Variants in FLNA observed in about 807,000 individuals in gnomAD.
The protein encoded by FLNA is filamin A, also known as filamin-A.
In FLNA, 7 loss-of-function variants were observed where a neutral mutation model predicts 157.6. That is an observed-to-expected ratio of 0.04 (90% CI 0.03 to 0.08). FLNA has a LOEUF of 0.08. FLNA is among the 10% of genes least tolerant of loss of function. The pLI is 1.00. For synonymous variants in FLNA, 1,103 were observed against 1,060.8 expected (o/e 1.04, Z -0.77); for missense variants, 1,750 against 2,398.4 (o/e 0.73, Z 5.65).
intron 26 of FLNA, 68 bp downstream of exon 26, chrX:154,358,916 T>A (rs2067682399): frequency 5.2e-6 from 6 of 1,150,032 alleles, no homozygotes; most frequent in Non-Finnish European, 7.1e-6. Flanking sequence ...GGCCTCCAGT[T>A]TCCTTTCCCG....
intron 2 of FLNA, among the ~76,000 whole-genome samples, chrX:154,370,652 G>A (rs2067798394): frequency 8.9e-6 from 1 of 112,925 alleles, no homozygotes; most frequent in Non-Finnish European, 1.9e-5. Flanking sequence ...GCCAGCCGGG[G>A]CGCAGCGGGC....
chrX:154,349,102 C>A, intron 47 of FLNA, 66 bp from the exon 48 acceptor site: 1 of 1,069,759 alleles, frequency 9.3e-7, no homozygotes. Flanking sequence ...TCCTGCTCTC[C>A]TCTCCTGTCC....
chrX:154,360,035 C>T lies in FLNA; in HGVS notation c.3760G>A (p.Asp1254Asn). 8.3e-7 allele frequency: 1 copy of T among 1,211,291 alleles called. No homozygotes were observed. Among genetic ancestry groups the T allele is most frequent in the Middle Eastern group, 2.3e-4 (1 of 4,352 alleles). ...CCATAGCACTGGACACCGGAAGTGT[C>T]CACCGCAGGTTCCACCTGCAGCTTG... Reference protein sequence around the residue: ...PSKLQVEPAVDTSGVQCYGPG... With the variant: ...PSKLQVEPAVNTSGVQCYGPG... The change falls in exon 22 of 48, where the codon GAC (aspartate) becomes AAC (asparagine). Residue 1254 changes from aspartate (D) to asparagine (N), a missense_variant. Asp to Asn is a conservative substitution (Grantham distance 23). Transcript: ENST00000369850.
rs782572656 is a variant in FLNA, at chrX:154,366,348, G to A, written c.1188C>T (p.Asn396=). The part of the protein sequence containing the change: ...AQGPGLEPSG[N]IANKTTYFEI... ...CAAAGTAGGTGGTCTTGTTGGCGAT[G>A]TTGCCACTGGGCTCCAGGCCGGGAC... Residue 396 remains asparagine, a synonymous_variant, in exon 8 of 48, where the codon AAC becomes AAT. Transcript: ENST00000369850. The A allele has an allele frequency of 2.3e-5, 28 of 1,212,327 alleles. No homozygotes were observed. The highest frequency in any genetic ancestry group is 2.9e-5 in the Non-Finnish European group (26 of 895,606).
chrX:154,353,252 A>C (rs1557176173), intron 37 of FLNA, 44 bp downstream of exon 37: 1 of 1,210,109 alleles, frequency 8.3e-7, no homozygotes, highest in Admixed American at 2.2e-5. Flanking sequence ...GGCTCCCCAC[A>C]GGCTGCCTCC....
chrX:154,372,894 C>A (rs2067818937), intron 1 of FLNA, among the ~76,000 whole-genome samples: 1 of 112,397 alleles, frequency 8.9e-6, no homozygotes, highest in Non-Finnish European at 1.9e-5. Flanking sequence ...CTACATGACA[C>A]GTGGTGGGGC....
intron 7 of FLNA, 27 bp downstream of exon 7, chrX:154,366,535 A>C: frequency 1.7e-6 from 2 of 1,209,074 alleles, no homozygotes. Flanking sequence ...CTGAGGTCAC[A>C]AGCCTCCCCC....
Position 154,359,850 on chromosome X carries a change from C to A in FLNA, c.3861G>T (p.Gln1287His), listed in dbSNP as rs1557177627. 6.6e-6 allele frequency: 8 copies of A among 1,209,517 alleles called. No individual in the cohort carries two copies. Among genetic ancestry groups the A allele is most frequent in the Non-Finnish European group, 7.8e-6 (7 of 895,028 alleles). Reference sequence around the variant, plus strand: ...GGGCCTTGACGTGCGGCCCTCCGGTCTGTGTCAGAGCCCGGGCGTCCACAC... The same window carrying A: ...GGGCCTTGACGTGCGGCCCTCCGGTATGTGTCAGAGCCCGGGCGTCCACAC... Reference protein sequence around the residue: ...EFSVDARALTQTGGPHVKARV... With the variant: ...EFSVDARALTHTGGPHVKARV... The change falls in exon 23 of 48, where the codon CAG becomes CAT. Residue 1287 changes from glutamine (Q) to histidine (H), a missense_variant. Physicochemically the swap from Gln to His is conservative, Grantham distance 24. This residue lies in a region of FLNA where 970 missense variants were observed against 1,302.6 expected (regional missense o/e 0.74). Coordinates refer to ENST00000369850, the MANE Select transcript of FLNA (RefSeq NM_001110556.2).
Position 154,360,431 on chromosome X carries a change from A to C in FLNA, c.3364T>G (p.Cys1122Gly). ...TCGGTGGGCACGTAGGACACGGAAC[A>C]TGTGCCATCCCCATTGTCCAAGCAC... ...LECLDNGDGT[C>G]SVSYVPTEPG... Residue 1122 changes from cysteine to glycine, a missense_variant, in exon 22 of 48, where the codon TGT (cysteine) becomes GGT (glycine). Cys to Gly is a radical substitution (Grantham distance 159). This residue lies in a region of FLNA where 648 missense variants were observed against 805.8 expected (regional missense o/e 0.80). Coordinates refer to ENST00000369850, the MANE Select transcript of FLNA (RefSeq NM_001110556.2). The C allele has an allele frequency of 1.7e-6, 2 of 1,211,574 alleles. No homozygotes were observed. The highest frequency in any genetic ancestry group is 2.2e-6 in the Non-Finnish European group (2 of 895,574).
rs377505188 is a variant in FLNA at position 154,359,776 on chromosome X, C to T, written c.3935G>A (p.Arg1312His). Residue 1312 changes from arginine to histidine, a missense_variant, in exon 23 of 48, where the codon CGT becomes CAT. Coordinates refer to ENST00000369850, the MANE Select transcript of FLNA (RefSeq NM_001110556.2). ...CTCCACTTTGTACATGCCATCGCCA[C>T]GGTCCTGAACGTAGGTCTCCGTCAG... ...GNLTETYVQD[R>H]GDGMYKVEYT... The T allele has an allele frequency of 5.8e-6, 7 of 1,209,354 alleles. No homozygotes were observed. Among genetic ancestry groups the T allele is most frequent in the African/African-American group, 3.5e-5 (2 of 57,179 alleles).
chrX:154,365,945 G>A lies in FLNA; in HGVS notation c.1429+79C>T, dbSNP rs1453688041. On this transcript the variant is annotated intron_variant, in intron 9 of 47. Transcript: ENST00000369850. ...GGGGCCCCGGGGCGGGCTGCAGCGG[G>A]ACTGGCCCAGGGGGTCCCCCTCCTG... The A allele has an allele frequency of 2.0e-5, 20 of 987,840 alleles. No individual in the cohort carries two copies. The South Asian group carries it at 3.5e-4, about 17-fold the overall frequency. 81.4% of individuals were successfully genotyped at this position (987,840 alleles called of 1,213,427 possible).
chrX:154,365,958 G>T, intron 9 of FLNA, 66 bp downstream of exon 9: 1 of 1,072,238 alleles, frequency 9.3e-7, no homozygotes, highest in Non-Finnish European at 1.3e-6. Context: ...TGGCCCAGGG[G>T]GTCCCCCTCC....
chrX:154,357,999 G>T (rs1193092848), intron 28 of FLNA, among the ~76,000 whole-genome samples, 200 bp downstream of exon 28: 2 of 112,475 alleles, frequency 1.8e-5, no homozygotes, highest in African/African-American at 6.5e-5. Flanking sequence ...AAAGTTAGCA[G>T]CAAGTGCACG....
chrX:154,372,763 C>T (rs1238927209), intron 1 of FLNA, among the ~76,000 whole-genome samples: 3 of 107,868 alleles, frequency 2.8e-5, no homozygotes, highest in East Asian at 2.9e-4. Flanking sequence ...AGGTATCTGT[C>T]CCTCCTGTTC....
Position 154,349,564 on chromosome X carries a change from G to A in FLNA, c.7554C>T (p.Gly2518=), listed in dbSNP as rs1557175319. 3 of 1,212,019 alleles carry A rather than the reference G, an allele frequency of 2.5e-6. No homozygotes were observed. The highest frequency in any genetic ancestry group is 3.5e-5 in the South Asian group (2 of 57,046). ...GGCTGTGGTTGCTGACGAGACGGGG[G>A]CCTGCAAGGCAGAGTGGGTGGGGCT... The part of the protein sequence containing the change: ...GGSPFKAKVT[G]PRLVSNHSLH... Residue 2518 remains glycine (G), a splice_region_variant and synonymous_variant, in exon 47 of 48, where the codon GGC becomes GGT. Coordinates refer to ENST00000369850, the MANE Select transcript of FLNA (RefSeq NM_001110556.2).
chrX:154,365,489 G>A lies in FLNA; in HGVS notation c.1430-3C>T, dbSNP rs782813433. The stretch of plus-strand genomic sequence containing the variant: ...CCGGCAGGCACTCGGGTTACAGGCT[G>A]CAGGCAGAGGGGCCAGCTGAGCACC... On this transcript the variant is annotated splice_region_variant and splice_polypyrimidine_tract_variant and intron_variant, in intron 9 of 47. Coordinates refer to ENST00000369850, the MANE Select transcript of FLNA (RefSeq NM_001110556.2). 4 of 1,210,309 alleles carry A rather than the reference G, an allele frequency of 3.3e-6. No homozygotes were observed. Among genetic ancestry groups the A allele is most frequent in the South Asian group, 3.5e-5 (2 of 56,933 alleles).
chrX:154,348,549 A>T lies in FLNA; in HGVS notation c.*300T>A, dbSNP rs1315071230. On this transcript the variant is annotated 3_prime_UTR_variant, in exon 48 of 48. Coordinates refer to ENST00000369850, the MANE Select transcript of FLNA (RefSeq NM_001110556.2). ...CAAAGGAGAATGGAAGCAAAACTTT[A>T]TTCCTCTTGGCTGGAGAAGAGAACT... The T allele has an allele frequency of 3.2e-6, 1 of 312,233 alleles. No homozygotes were observed. The highest frequency in any genetic ancestry group is 5.6e-6 in the Non-Finnish European group (1 of 179,164). The allele number at this position is 312,233 out of a possible 1,213,427, so 25.7% of individuals were successfully genotyped here.
intron 1 of FLNA, among the ~76,000 whole-genome samples, chrX:154,372,259 C>A (rs1247407406): frequency 1.8e-5 from 2 of 113,307 alleles, no homozygotes; most frequent in African/African-American, 3.2e-5. Flanking sequence ...TGCCAGTTCA[C>A]CCGGGGCACT....
chrX:154,358,721 C>G, intron 26 of FLNA, 153 bp from the exon 27 acceptor site: 1 of 730,356 alleles, frequency 1.4e-6, no homozygotes, highest in Non-Finnish European at 2.1e-6. Flanking sequence ...CCCTCTGGCA[C>G]GAAAGACACC....
Sources: allele counts gnomAD v4.1 joint callset (sites outside exome capture counted in the v4.1 genomes callset), GRCh38; gene constraint gnomAD v4.1.1; regional missense constraint gnomAD v4.1.1; transcripts MANE v1.5; gene names NCBI Gene and HGNC (gene_info 2026-07-23, HGNC 2026-07-21).